Variants in JAK2 observed in about 807,000 individuals in gnomAD.
The protein encoded by JAK2 is tyrosine-protein kinase JAK2.
JAK2 carries 86 observed loss-of-function variants against 139.3 expected under a neutral mutation model. That is an observed-to-expected ratio of 0.62 (90% CI 0.52 to 0.74). JAK2 has a LOEUF of 0.74. JAK2 is among the 30% of genes least tolerant of loss of function. JAK2 has a pLI of 0.00. For missense variants in JAK2, 1,421 were observed against 1,360.3 expected (o/e 1.04, Z -0.70); for synonymous variants, 490 against 437.7 (o/e 1.12, Z -1.49).
intron 19 of JAK2, among the ~76,000 whole-genome samples, chr9:5,083,507 T>C (rs746003392): frequency 3.4e-4 from 51 of 152,236 alleles, no homozygotes; most frequent in African/African-American, 4.6e-4. Context: ...TGGGAACTTA[T>C]AGCATTTATT....
chr9:5,085,884 A>G, intron 19 of JAK2: 1 of 805,470 alleles, frequency 1.2e-6, no homozygotes, highest in Non-Finnish European at 2.2e-6. Context: ...TGTTGTTGAT[A>G]TGAGCGGTTC....
chr9:4,985,789 G>A lies in JAK2; in HGVS notation c.-108-151G>A, dbSNP rs149292811. Among the ~76,000 whole-genome samples the A allele has an allele frequency of 1.5e-3, 221 of 152,270 alleles. 1 individual carries two copies. Among genetic ancestry groups the A allele is most frequent in the African/African-American group, 4.7e-3 (194 of 41,552 alleles). On this transcript the variant is annotated intron_variant, in intron 1 of 24. Coordinates refer to ENST00000381652, the MANE Select transcript of JAK2 (RefSeq NM_004972.4). ...ACGACACCTAGAACGAGTCTTGCTG[G>A]TGATATTTGCTTCCATTTGTGTCTT... is the stretch of plus-strand genomic sequence containing the variant.
At chr9:4,994,988 G>T (rs73389479) in intron 2 of JAK2, among the ~76,000 whole-genome samples, 1 of 152,024 alleles carries the variant, frequency 6.6e-6, no homozygotes, top group South Asian at 2.1e-4. Context: ...TAGAAGAGGA[G>T]TTGCTGATTC....
intron 7 of JAK2, 109 bp from the exon 8 acceptor site, chr9:5,055,560 A>G: frequency 1.2e-6 from 1 of 828,670 alleles, no homozygotes. Flanking sequence ...TGTTATCAAT[A>G]CCTTTTTTAT....
chr9:5,079,277 AATCT>A (rs143527851), intron 16 of JAK2, among the ~76,000 whole-genome samples: 11,263 of 152,044 alleles, frequency 0.074, 1,242 homozygotes, highest in African/African-American at 0.25. Flanking sequence ...TTTGTCAATC[AATCT>A]ATTTGTCTGT....
intron 4 of JAK2, chr9:5,041,965 C>T (rs1034756065): frequency 6.9e-5 from 26 of 374,118 alleles, no homozygotes; most frequent in Non-Finnish European, 1.3e-4. Context: ...CCGTGCGGCC[C>T]CTTGGGGAGC....
intron 5 of JAK2, among the ~76,000 whole-genome samples, chr9:5,048,805 T>G (rs1293500677): frequency 6.6e-6 from 1 of 152,188 alleles, no homozygotes; most frequent in Non-Finnish European, 1.5e-5. Context: ...AGACAAGTTA[T>G]TACATCAAGA....
At chr9:5,023,332 T>C (rs1475802625) in intron 3 of JAK2, among the ~76,000 whole-genome samples, 2 of 152,204 alleles carry the variant, frequency 1.3e-5, no homozygotes, top group African/African-American at 4.8e-5. Context: ...GTGAATGACA[T>C]GATTACATTC....
chr9:5,030,073 C>G (rs957353307), intron 4 of JAK2, among the ~76,000 whole-genome samples, 167 bp downstream of exon 4: 2 of 152,128 alleles, frequency 1.3e-5, no homozygotes, highest in African/African-American at 4.8e-5. Flanking sequence ...ATCAGAGAAA[C>G]TGTTTATACA....
At chr9:5,056,890 G>A (rs569756891) in intron 8 of JAK2, among the ~76,000 whole-genome samples, 5 of 152,288 alleles carry the variant, frequency 3.3e-5, no homozygotes, top group Admixed American at 6.5e-5. Flanking sequence ...CAAGGGCACA[G>A]TGTTAGTTAA....
rs988584728 is a variant in JAK2 at position 5,126,946 on chromosome 9, T to A, written c.*155T>A. The A allele has an allele frequency of 3.4e-5, 14 of 413,826 alleles. No homozygotes were observed. Among genetic ancestry groups the A allele is most frequent in the Admixed American group, 8.9e-5 (2 of 22,450 alleles). 25.6% of individuals were successfully genotyped at this position (413,826 alleles called of 1,614,324 possible). A position where few individuals can be genotyped will look rare whatever the true frequency, so the allele number is the denominator to read the frequency against. On this transcript the variant is annotated 3_prime_UTR_variant, in exon 25 of 25. Transcript: ENST00000381652. ...AATATCTGCTCAAAACTTTCAAAGT[T>A]TAGTAAGTTTTTCTTCATGAGGCCA...
intron 2 of JAK2, among the ~76,000 whole-genome samples, chr9:4,987,992 G>T (rs768675711): frequency 1.2e-4 from 18 of 152,272 alleles, no homozygotes; most frequent in Non-Finnish European, 2.5e-4. Flanking sequence ...AGGACTTCAA[G>T]GTCTTAAACT....
chr9:5,011,616 T>C (rs537572010), intron 2 of JAK2, among the ~76,000 whole-genome samples: 1 of 152,340 alleles, frequency 6.6e-6, no homozygotes, highest in East Asian at 1.9e-4. Flanking sequence ...AATTCTAATA[T>C]TTGGGTCTGC....
chr9:5,062,269 A>T (rs1818231729), intron 8 of JAK2, among the ~76,000 whole-genome samples: 1 of 152,080 alleles, frequency 6.6e-6, no homozygotes, highest in Non-Finnish European at 1.5e-5. Flanking sequence ...ATTTTGGTAT[A>T]TGCAGGGGTC....
At chr9:4,994,544 G>C (rs1238893093) in intron 2 of JAK2, among the ~76,000 whole-genome samples, 2 of 152,130 alleles carry the variant, frequency 1.3e-5, no homozygotes, top group African/African-American at 4.8e-5. Flanking sequence ...TTCTATTAAG[G>C]ATCATAAATA....
intron 22 of JAK2, among the ~76,000 whole-genome samples, chr9:5,120,280 T>C (rs566977755): frequency 1.3e-5 from 2 of 152,186 alleles, no homozygotes; most frequent in Admixed American, 6.5e-5. Flanking sequence ...GAAGCCCTCA[T>C]GGCGTAATCA....
At chr9:4,990,714 TA>T (rs1486260570) in intron 2 of JAK2, among the ~76,000 whole-genome samples, 2 of 152,150 alleles carry the variant, frequency 1.3e-5, no homozygotes, top group Non-Finnish European at 2.9e-5. Context: ...AAAAAGGTCT[TA>T]AAAAGATGTA....
At chr9:5,112,383 GA>G in intron 22 of JAK2, 1 of 425,680 alleles carries the variant, frequency 2.3e-6, no homozygotes, top group South Asian at 2.7e-5. Flanking sequence ...GGCCACTGGG[GA>G]AATCAAGCGG....
Position 5,001,605 on chromosome 9 carries a change from A to G in JAK2, c.-26+15583A>G, listed in dbSNP as rs541387810. Reference sequence around the variant, plus strand: ...TATGTTCTATTATTTTGTTATGTTCATGAGAAACATTTGCCTGTAATTTTT... The same window carrying G: ...TATGTTCTATTATTTTGTTATGTTCGTGAGAAACATTTGCCTGTAATTTTT... On this transcript the variant is annotated intron_variant, in intron 2 of 24. Transcript: ENST00000381652. Among the ~76,000 whole-genome samples, 167 of 150,694 alleles carry G rather than the reference A, an allele frequency of 1.1e-3. 1 individual carries two copies. Among genetic ancestry groups the G allele is most frequent in the South Asian group, 2.7e-3 (13 of 4,764 alleles).
Sources: allele counts gnomAD v4.1 joint callset (sites outside exome capture counted in the v4.1 genomes callset), GRCh38; gene constraint gnomAD v4.1.1; transcripts MANE v1.5; gene names NCBI Gene and HGNC (gene_info 2026-07-23, HGNC 2026-07-21).